The following ITSN1 variants were observed in gnomAD, a reference collection of about 807,000 sequenced individuals.
ITSN1 encodes the protein intersectin 1, also known as intersectin-1.
Under a neutral mutation model 239.8 loss-of-function variants are expected in ITSN1, and 58 were observed. That is an observed-to-expected ratio of 0.24 (90% CI 0.20 to 0.30). The LOEUF (loss-of-function observed/expected upper bound fraction) is 0.30. Among genes scored for constraint, ITSN1 ranks in the 10% least tolerant of loss-of-function variants. ITSN1 has a pLI of 1.00. For missense variants in ITSN1, 1,558 were observed against 2,103.3 expected, an observed-to-expected ratio of 0.74 and a Z score of 5.07; for synonymous variants, 780 against 770.8, an observed-to-expected ratio of 1.01 and a Z score of -0.20.
intron 29 of ITSN1, among the ~76,000 whole-genome samples, chr21:33,853,961 A>G (rs1187991797): frequency 3.3e-5 from 5 of 152,180 alleles, no homozygotes; most frequent in Admixed American, 6.5e-5. Flanking sequence ...GTTCTTAGCT[A>G]TGCCCTGGAG....
At chr21:33,766,156 C>A in intron 10 of ITSN1, 144 bp downstream of exon 10, 1 of 798,540 alleles carries the variant, frequency 1.3e-6, no homozygotes, top group Non-Finnish European at 2.0e-6. Context: ...TCATCTAGGT[C>A]TATGTTAATC....
intron 1 of ITSN1, among the ~76,000 whole-genome samples, chr21:33,652,432 GCCTGTGT>G (rs2088624819): frequency 6.6e-6 from 1 of 152,086 alleles, no homozygotes; most frequent in African/African-American, 2.4e-5. Flanking sequence ...CAGTTTTGTA[GCCTGTGT>G]TTTTCACTTA....
Position 33,817,397 on chromosome 21 carries a change from A to T in ITSN1, c.2728-870A>T, listed in dbSNP as rs111556072. 3.7e-4 allele frequency: 478 copies of T among 1,304,258 alleles called. No homozygotes were observed. In the African/African-American group the frequency reaches 6.3e-3, roughly 17 times the overall value. 80.8% of individuals were successfully genotyped at this position (1,304,258 alleles called of 1,614,324 possible). On this transcript the variant is annotated intron_variant, in intron 22 of 39. Transcript: ENST00000381318. ...AGCCCTAGCTGTCAAAGTCCTTCTC[A>T]TCCTTCAAGGCCCATCTCAGATGCT... is the stretch of plus-strand genomic sequence containing the variant.
chr21:33,709,104 A>G (rs185111922), intron 1 of ITSN1, among the ~76,000 whole-genome samples: 1 of 152,214 alleles, frequency 6.6e-6, no homozygotes, highest in Admixed American at 6.5e-5. Context: ...TTCTTTTAAA[A>G]AGTTGCTCTG....
intron 14 of ITSN1, among the ~76,000 whole-genome samples, chr21:33,777,809 T>G (rs1376093352): frequency 6.6e-6 from 1 of 152,218 alleles, no homozygotes; most frequent in African/African-American, 2.4e-5. Context: ...TTTGTGTGTC[T>G]TACTTTGTTG....
At chr21:33,840,171 C>G (rs1325674509) in intron 29 of ITSN1, among the ~76,000 whole-genome samples, 2 of 152,190 alleles carry the variant, frequency 1.3e-5, no homozygotes, top group Non-Finnish European at 2.9e-5. Context: ...CCCCCATACT[C>G]TGCACTTTGG....
Position 33,751,830 on chromosome 21 carries a change from TC to T in ITSN1, c.548del (p.Ser183PhefsTer12). 6.2e-7 allele frequency: 1 copy of T among 1,611,904 alleles called. No homozygotes were observed. The highest frequency in any genetic ancestry group is 8.5e-7 in the Non-Finnish European group (1 of 1,178,062). On this transcript the variant is annotated frameshift_variant, in exon 7 of 40. Transcript: ENST00000381318. LOFTEE classifies it high-confidence loss of function. Reference protein sequence around the residue: ...AHPAATLPKSSSFSRSGPGSQ... With the variant: ...AHPAATLPKSXSFSRSGPGSQ... The stretch of plus-strand genomic sequence containing the variant: ...TACAGCAGCCACATTGCCAAAGAGT[TC>T]TTCCTTTAGTAGATCTGGTCCAGGG...
chr21:33,718,824 G>A lies in ITSN1; in HGVS notation c.-5G>A. 1 of 1,613,278 alleles carries A rather than the reference G, an allele frequency of 6.2e-7. No individual in the cohort carries two copies. Among genetic ancestry groups the A allele is most frequent in the Non-Finnish European group, 8.5e-7 (1 of 1,179,494 alleles). Reference sequence around the variant, plus strand: ...GTCGATTAGCAAGGTAAAAGTAACAGAACCATGGCTCAGTTTCCAACACCT... The same window carrying A: ...GTCGATTAGCAAGGTAAAAGTAACAAAACCATGGCTCAGTTTCCAACACCT... On this transcript the variant is annotated 5_prime_UTR_variant, in exon 2 of 40. Coordinates refer to ENST00000381318, the MANE Select transcript of ITSN1 (RefSeq NM_003024.3).
chr21:33,710,186 C>G (rs1254793207), intron 1 of ITSN1, among the ~76,000 whole-genome samples: 1 of 151,142 alleles, frequency 6.6e-6, no homozygotes, highest in Admixed American at 6.6e-5. Context: ...TCACGCCATT[C>G]TCCTGCCTCA....
intron 33 of ITSN1, among the ~76,000 whole-genome samples, chr21:33,874,312 C>T (rs1246358660): frequency 6.6e-6 from 1 of 152,106 alleles, no homozygotes; most frequent in Non-Finnish European, 1.5e-5. Context: ...CGCACACTTG[C>T]TCTGATGCAC....
At chr21:33,862,280 G>A (rs1203949295) in intron 31 of ITSN1, among the ~76,000 whole-genome samples, 2 of 150,112 alleles carry the variant, frequency 1.3e-5, no homozygotes, top group African/African-American at 4.9e-5. Flanking sequence ...TCCCCTCGAT[G>A]GAAAAAGAAA....
intron 34 of ITSN1, among the ~76,000 whole-genome samples, chr21:33,877,074 A>ATTTTTTTTTTTTTTT (rs1984059511): frequency 8.0e-6 from 1 of 125,522 alleles, no homozygotes; most frequent in Non-Finnish European, 1.6e-5. Flanking sequence ...TTTTTTTTGA[A>ATTTTTTTTTTTTTTT]ATGGAGTCTC....
chr21:33,844,547 A>G (rs1318219227), intron 29 of ITSN1, among the ~76,000 whole-genome samples: 1 of 152,120 alleles, frequency 6.6e-6, no homozygotes, highest in African/African-American at 2.4e-5. Flanking sequence ...CAGCTTAGAT[A>G]AGGGGCGTGG....
chr21:33,703,156 AAAG>A (rs966446262), intron 1 of ITSN1, among the ~76,000 whole-genome samples: 3 of 150,026 alleles, frequency 2.0e-5, no homozygotes, highest in Non-Finnish European at 4.4e-5. Flanking sequence ...ATATATAAAG[AAAG>A]AATATATATA....
At position 33,784,249 on chromosome 21, in the gene ITSN1, C is replaced by T. The variant is rs553006904; in HGVS notation, c.1824+2116C>T. Among the ~76,000 whole-genome samples, 20 of 150,288 alleles carry T rather than the reference C, an allele frequency of 1.3e-4. 1 individual carries two copies. In the South Asian group the frequency reaches 3.6e-3, roughly 27 times the overall value. On this transcript the variant is annotated intron_variant, in intron 16 of 39. Transcript: ENST00000381318. ...AGCACTTTGGGAGGCAGGTGGATCA[C>T]TTGAGCAAGTGGATCATTCGAGACT... is the stretch of plus-strand genomic sequence containing the variant.
In ITSN1 at chr21:33,894,906, A is replaced by C. The variant is rs1480767358; in HGVS notation, c.*6606A>C. 1 of 152,234 alleles carries C rather than the reference A, an allele frequency of 6.6e-6. No homozygotes were observed. Among genetic ancestry groups the C allele is most frequent in the Non-Finnish European group, 1.5e-5 (1 of 68,074 alleles). 9.4% of individuals were successfully genotyped at this position (152,234 alleles called of 1,614,324 possible). A position where few individuals can be genotyped will look rare whatever the true frequency, so the allele number is the denominator to read the frequency against. The stretch of plus-strand genomic sequence containing the variant: ...TGGAGGGTCTCCCTGTAGGAGGAGG[A>C]AACTCGCTGTTTTCACTGGCAGATT... On this transcript the variant is annotated 3_prime_UTR_variant, in exon 40 of 40. Transcript: ENST00000381318.
At chr21:33,754,223 G>A (rs1237511883) in intron 7 of ITSN1, 1 of 152,096 alleles carries the variant, frequency 6.6e-6, no homozygotes, top group African/African-American at 2.4e-5. Flanking sequence ...ATAGATCATG[G>A]TAAGTGTTTT....
intron 1 of ITSN1, among the ~76,000 whole-genome samples, chr21:33,675,627 A>G (rs369036697): frequency 3.6e-4 from 55 of 152,324 alleles, no homozygotes; most frequent in African/African-American, 1.3e-3. Flanking sequence ...CAAAGGGCAT[A>G]GAAGTTTCTG....
chr21:33,813,415 C>T (rs934426770), intron 21 of ITSN1, among the ~76,000 whole-genome samples: 7 of 151,738 alleles, frequency 4.6e-5, no homozygotes, highest in Non-Finnish European at 7.4e-5. Flanking sequence ...TACAGTGATG[C>T]GATCCTGGCT....
Sources: gnomAD v4.1 joint callset for allele counts (sites outside exome capture counted in the v4.1 genomes callset) on GRCh38, gnomAD v4.1.1 for gene constraint, MANE v1.5 for transcripts, NCBI Gene and HGNC (gene_info 2026-07-23, HGNC 2026-07-21) for gene names.